BRINP3: variants seen among roughly 807,000 people sequenced by gnomAD.
The protein encoded by BRINP3 is BMP/retinoic acid inducible neural specific 3, also known as BMP/retinoic acid-inducible neural-specific protein 3.
Under a neutral mutation model 71.0 loss-of-function variants are expected in BRINP3, and 19 were observed. The ratio of observed to expected loss-of-function variants is 0.27; its 90% CI spans 0.19 to 0.39. The LOEUF (loss-of-function observed/expected upper bound fraction) is 0.39. Ranked by LOEUF, BRINP3 falls within the 10% of genes least tolerant of loss-of-function variation. The probability of loss-of-function intolerance (pLI) is 1.00; values close to 1 mark genes in which losing one functional copy is unlikely to be tolerated. For missense variants in BRINP3, 959 were observed against 940.8 expected (o/e 1.02, Z -0.25); for synonymous variants, 380 against 337.7 (o/e 1.13, Z -1.37).
intron 7 of BRINP3, among the ~76,000 whole-genome samples, chr1:190,107,275 C>T (rs945486784): frequency 6.6e-6 from 1 of 151,886 alleles, no homozygotes; most frequent in Non-Finnish European, 1.5e-5. Context: ...GAAGCCTTTA[C>T]ATTCTGACAA....
At position 190,393,756 on chromosome 1, in the gene BRINP3, C is replaced by A. The variant is rs368419457; in HGVS notation, c.236+60899G>T. Reference sequence around the variant, plus strand: ...ATAGCATGCTGAAAAACCTGGAGTGCATGTATTACTCTCAAAATGGTTGCT... The same window carrying A: ...ATAGCATGCTGAAAAACCTGGAGTGAATGTATTACTCTCAAAATGGTTGCT... On this transcript the variant is annotated intron_variant, in intron 2 of 7. Coordinates refer to ENST00000367462, the MANE Select transcript of BRINP3 (RefSeq NM_199051.3). Among the ~76,000 whole-genome samples, 12 of 151,584 alleles carry A rather than the reference C, an allele frequency of 7.9e-5. No homozygotes were observed. In the South Asian group the frequency reaches 8.3e-4, roughly 10 times the overall value.
At chr1:190,144,969 T>C (rs1203403180) in intron 7 of BRINP3, among the ~76,000 whole-genome samples, 2 of 152,192 alleles carry the variant, frequency 1.3e-5, no homozygotes, top group South Asian at 2.1e-4. Flanking sequence ...GACAGTCTTG[T>C]TTAAAATTGT....
chr1:190,100,670 G>A (rs556646743), intron 7 of BRINP3, among the ~76,000 whole-genome samples: 2 of 152,164 alleles, frequency 1.3e-5, no homozygotes, highest in South Asian at 2.1e-4. Flanking sequence ...TTAAAAACAC[G>A]CAAAAGCCTT....
At chr1:190,362,309 G>C (rs2102130523) in intron 2 of BRINP3, 1 of 152,252 alleles carries the variant, frequency 6.6e-6, no homozygotes, top group South Asian at 2.1e-4. Flanking sequence ...ACTCATGCTA[G>C]GGGACCTACA....
chr1:190,253,700 CA>C (rs1490711848), intron 4 of BRINP3, among the ~76,000 whole-genome samples: 1 of 152,070 alleles, frequency 6.6e-6, no homozygotes, highest in African/African-American at 2.4e-5. Context: ...GGGTAGATTG[CA>C]AAAATTTTCT....
intron 2 of BRINP3, among the ~76,000 whole-genome samples, chr1:190,401,532 G>C (rs1671929516): frequency 6.6e-6 from 1 of 152,038 alleles, no homozygotes. Context: ...AGTAAGGAGA[G>C]CATCACCAGG....
At chr1:190,473,112 T>A (rs996267000) in intron 1 of BRINP3, among the ~76,000 whole-genome samples, 1 of 151,460 alleles carries the variant, frequency 6.6e-6, no homozygotes. Flanking sequence ...ATAAATACCT[T>A]CTCCCACCAC....
chr1:190,327,035 G>A (rs1481683287), intron 2 of BRINP3, among the ~76,000 whole-genome samples: 2 of 149,812 alleles, frequency 1.3e-5, no homozygotes, highest in African/African-American at 4.9e-5. Flanking sequence ...AAATACACAA[G>A]CCTGGCACGG....
chr1:190,265,122 G>A, intron 3 of BRINP3, 67 bp from the exon 4 acceptor site: 3 of 1,370,842 alleles, frequency 2.2e-6, no homozygotes, highest in Non-Finnish European at 3.0e-6. Flanking sequence ...CTTATCTGCA[G>A]GTGGAAAGGT....
intron 1 of BRINP3, among the ~76,000 whole-genome samples, chr1:190,463,604 T>G (rs12058472): frequency 0.16 from 24,017 of 151,746 alleles, 2,010 homozygotes; most frequent in South Asian, 0.21. Flanking sequence ...TTTACATGTG[T>G]AAAAACACAG....
At chr1:190,473,516 T>C (rs1558318018) in intron 1 of BRINP3, among the ~76,000 whole-genome samples, 1 of 150,192 alleles carries the variant, frequency 6.7e-6, no homozygotes, top group Non-Finnish European at 1.5e-5. Flanking sequence ...AAGAGTTTTA[T>C]GATGGTGTTT....
At chr1:190,275,269 T>C (rs1210135749) in intron 3 of BRINP3, among the ~76,000 whole-genome samples, 2 of 151,672 alleles carry the variant, frequency 1.3e-5, no homozygotes, top group African/African-American at 2.4e-5. Flanking sequence ...ATTTTTGGTA[T>C]GTATAGTTAC....
chr1:190,257,131 C>T (rs189703392), intron 4 of BRINP3, among the ~76,000 whole-genome samples: 4 of 152,266 alleles, frequency 2.6e-5, no homozygotes, highest in East Asian at 3.9e-4. Flanking sequence ...ACCAATCAAA[C>T]GTAGATTTAG....
chr1:190,238,515 C>T (rs578220923), intron 4 of BRINP3, among the ~76,000 whole-genome samples: 48 of 152,046 alleles, frequency 3.2e-4, no homozygotes, highest in African/African-American at 1.0e-3. Context: ...GATATATAAA[C>T]ATCCAGTAAT....
chr1:190,407,683 A>G (rs1418085721), intron 2 of BRINP3, among the ~76,000 whole-genome samples: 2 of 152,220 alleles, frequency 1.3e-5, no homozygotes, highest in African/African-American at 4.8e-5. Flanking sequence ...ACCTCTTAAT[A>G]ATGTATGTAA....
At chr1:190,209,343 A>G (rs1359608594) in intron 6 of BRINP3, among the ~76,000 whole-genome samples, 1 of 152,108 alleles carries the variant, frequency 6.6e-6, no homozygotes, top group Non-Finnish European at 1.5e-5. Flanking sequence ...TATCTCAGTA[A>G]CACAAACAGT....
intron 2 of BRINP3, among the ~76,000 whole-genome samples, chr1:190,350,197 T>C (rs951477759): frequency 3.3e-5 from 5 of 152,064 alleles, no homozygotes; most frequent in Non-Finnish European, 7.4e-5. Flanking sequence ...GACAAACAGA[T>C]GAAATAACAT....
chr1:190,395,782 G>T (rs1321150141), intron 2 of BRINP3, among the ~76,000 whole-genome samples: 1 of 151,740 alleles, frequency 6.6e-6, no homozygotes, highest in African/African-American at 2.4e-5. Flanking sequence ...TTATTCAGTT[G>T]TAGGAACTTC....
intron 2 of BRINP3, among the ~76,000 whole-genome samples, chr1:190,361,858 T>C (rs551707879): frequency 2.0e-4 from 31 of 152,258 alleles, no homozygotes; most frequent in African/African-American, 7.2e-4. Context: ...TTTTGACAGG[T>C]GGTGGTAAAT....
Sources: gnomAD v4.1 joint callset for allele counts (sites outside exome capture counted in the v4.1 genomes callset) on GRCh38, gnomAD v4.1.1 for gene constraint, MANE v1.5 for transcripts, NCBI Gene and HGNC (gene_info 2026-07-23, HGNC 2026-07-21) for gene names.